The following GPR107 variants were observed in gnomAD, a reference collection of about 807,000 sequenced individuals.
GPR107 encodes the protein G protein-coupled receptor 107.
In GPR107, 31 loss-of-function variants were observed where a neutral mutation model predicts 75.5. That is an observed-to-expected ratio of 0.41 (90% confidence interval 0.31 to 0.55). The LOEUF (loss-of-function observed/expected upper bound fraction) is 0.55. GPR107 is among the 20% of genes least tolerant of loss of function. The probability of loss-of-function intolerance (pLI) is 0.26; values close to 1 mark genes in which losing one functional copy is unlikely to be tolerated. For synonymous variants in GPR107, 267 were observed against 251.3 expected (o/e 1.06, Z -0.59); for missense variants, 572 against 665.7 (o/e 0.86, Z 1.55).
chr9:130,070,341 T>C (rs972783319), intron 1 of GPR107, among the ~76,000 whole-genome samples: 2 of 152,142 alleles, frequency 1.3e-5, no homozygotes, highest in African/African-American at 4.8e-5. Flanking sequence ...TCTCGCTCTT[T>C]CGCCCAAGCT....
intron 1 of GPR107, among the ~76,000 whole-genome samples, chr9:130,074,767 A>G (rs1437755240): frequency 6.6e-6 from 1 of 152,066 alleles, no homozygotes; most frequent in East Asian, 1.9e-4. Flanking sequence ...ACCTTTTTAA[A>G]TAATTGACTT....
intron 1 of GPR107, among the ~76,000 whole-genome samples, chr9:130,073,341 A>G (rs947690578): frequency 2.0e-5 from 3 of 152,162 alleles, no homozygotes; most frequent in Non-Finnish European, 4.4e-5. Context: ...GTCATCATAT[A>G]CTGTCCTTGA....
intron 1 of GPR107, among the ~76,000 whole-genome samples, chr9:130,074,669 G>T (rs764726125): frequency 5.3e-5 from 8 of 152,018 alleles, no homozygotes; most frequent in Non-Finnish European, 8.8e-5. Context: ...TCTCCATGTC[G>T]CTAATTCCTA....
At chr9:130,130,904 C>T (rs936853974) in intron 17 of GPR107, among the ~76,000 whole-genome samples, 81 of 150,218 alleles carry the variant, frequency 5.4e-4, no homozygotes, top group Non-Finnish European at 9.5e-4. Flanking sequence ...CGCATGAATC[C>T]GTGGACCACT....
At chr9:130,107,638 C>A in intron 14 of GPR107, 99 bp downstream of exon 14, 4 of 841,158 alleles carry the variant, frequency 4.8e-6, no homozygotes, top group Non-Finnish European at 8.4e-6. Flanking sequence ...TGTCAAGATG[C>A]TGTCTTCCTG....
chr9:130,071,420 A>G (rs1830209122), intron 1 of GPR107, among the ~76,000 whole-genome samples: 1 of 152,052 alleles, frequency 6.6e-6, no homozygotes, highest in African/African-American at 2.4e-5. Context: ...GGAAATGATA[A>G]TGTGAAAATG....
At chr9:130,110,317 C>A in intron 14 of GPR107, 1 of 1,077,344 alleles carries the variant, frequency 9.3e-7, no homozygotes, top group Non-Finnish European at 1.4e-6. Flanking sequence ...TTAACAGGAA[C>A]GCTTTTGTCA....
Position 130,076,447 on chromosome 9 carries a change from C to CT in GPR107, c.295dup (p.Ser99PhefsTer6). ...GCCTAGACCGTACAAAGAATGATGG[C>CT]TTTTCTTCTTACCTGGTGAGTATTA... On this transcript the variant is annotated frameshift_variant, in exon 3 of 18. Transcript: ENST00000347136. LOFTEE classifies it high-confidence loss of function. 1.3e-6 allele frequency: 2 copies of CT among 1,582,052 alleles called. No individual in the cohort carries two copies. The highest frequency in any genetic ancestry group is 1.7e-6 in the Non-Finnish European group (2 of 1,150,864).
intron 14 of GPR107, among the ~76,000 whole-genome samples, chr9:130,115,147 A>C (rs1305472905): frequency 2.6e-5 from 4 of 152,344 alleles, no homozygotes; most frequent in South Asian, 4.1e-4. Context: ...CCTTTGGGGA[A>C]TAATAGACCT....
At chr9:130,055,993 A>G (rs576632072) in intron 1 of GPR107, among the ~76,000 whole-genome samples, 48 of 150,858 alleles carry the variant, frequency 3.2e-4, no homozygotes, top group Non-Finnish European at 6.6e-4. Context: ...GACTGGATCC[A>G]TACAACCTTA....
chr9:130,112,950 A>G lies in GPR107; in HGVS notation c.1306+5411A>G, dbSNP rs1446764804. Among the ~76,000 whole-genome samples the G allele has an allele frequency of 1.3e-5, 2 of 152,014 alleles. No homozygotes were observed. The highest frequency in any genetic ancestry group is 4.8e-5 in the African/African-American group (2 of 41,436). On this transcript the variant is annotated intron_variant, in intron 14 of 17. Coordinates refer to ENST00000347136, the MANE Select transcript of GPR107 (RefSeq NM_020960.5). The surrounding 1 kb of genome is among the most constrained non-coding windows in gnomAD (Gnocchi z 4.0). ...TTTTTTGTAGAGATAGGATTTTGTC[A>G]TATTGCCCAGGCTAGTCTCAAACTC... is the stretch of plus-strand genomic sequence containing the variant.
At position 130,075,746 on chromosome 9, in the gene GPR107, G is replaced by C. The variant is rs368673169; in HGVS notation, c.252G>C (p.Val84=). 5 of 1,420,612 alleles carry C rather than the reference G, an allele frequency of 3.5e-6. No individual in the cohort carries two copies. The highest frequency in any genetic ancestry group is 5.0e-6 in the Non-Finnish European group (5 of 1,004,136). 88.0% of individuals were successfully genotyped at this position (1,420,612 alleles called of 1,614,324 possible). A position where few individuals can be genotyped will look rare whatever the true frequency, so the allele number is the denominator to read the frequency against. The change falls in exon 2 of 18, where the codon GTG becomes GTC. Residue 84 remains valine, a synonymous_variant. Transcript: ENST00000347136. ...TGAATGAGCCTGAAGACAAGGATGT[G>C]ACTGTAAGTACCTTTTAATGAGATC... ...LSLNEPEDKD[V]TIGFSLDRTK...
chr9:130,129,931 G>A (rs1205990461), intron 17 of GPR107: 3 of 152,228 alleles, frequency 2.0e-5, no homozygotes, highest in Non-Finnish European at 2.9e-5. Flanking sequence ...GGAGGTTCCC[G>A]CTTCCCACAT....
chr9:130,117,027 A>C (rs1474126028), intron 14 of GPR107, among the ~76,000 whole-genome samples: 1 of 150,746 alleles, frequency 6.6e-6, no homozygotes, highest in Non-Finnish European at 1.5e-5. Flanking sequence ...GCTCACTGCA[A>C]CCTCTGCCTC....
At chr9:130,133,578 C>T (rs1176757655) in intron 17 of GPR107, among the ~76,000 whole-genome samples, 1 of 152,228 alleles carries the variant, frequency 6.6e-6, no homozygotes, top group Non-Finnish European at 1.5e-5. Context: ...CCTTCAGGAG[C>T]AGCCCTGTGC....
intron 4 of GPR107, among the ~76,000 whole-genome samples, chr9:130,078,272 G>A (rs1375141852): frequency 6.6e-6 from 1 of 152,076 alleles, no homozygotes. Flanking sequence ...AGCCTTTAAG[G>A]TAGGAATCAT....
intron 14 of GPR107, among the ~76,000 whole-genome samples, chr9:130,118,963 CT>C (rs1831488833): frequency 6.6e-6 from 1 of 152,220 alleles, no homozygotes; most frequent in Admixed American, 6.5e-5. Flanking sequence ...CACACTCATT[CT>C]TTCACCGTAT....
rs143872682 is a variant in GPR107 at position 130,127,494 on chromosome 9, C to T, written c.1368C>T (p.Tyr456=). The change falls in exon 16 of 18, where the codon TAC becomes TAT. Residue 456 remains tyrosine (Y), a synonymous_variant. Coordinates refer to ENST00000347136, the MANE Select transcript of GPR107 (RefSeq NM_020960.5). The part of the protein sequence containing the change: ...FRHYYVLIVC[Y]IYFTRIIAFL... ...TCCTCCTCATGCAGATTGTGTGTTACATATACTTCACTAGGATCATTGCAT... is the reference window on the plus strand; with the variant it reads ...TCCTCCTCATGCAGATTGTGTGTTATATATACTTCACTAGGATCATTGCAT... 2.6e-5 allele frequency: 41 copies of T among 1,574,178 alleles called. No individual in the cohort carries two copies. In the African/African-American group the frequency reaches 5.1e-4, roughly 20 times the overall value.
chr9:130,080,500 T>TTTAC (rs1830467388), intron 5 of GPR107, among the ~76,000 whole-genome samples: 1 of 151,592 alleles, frequency 6.6e-6, no homozygotes, highest in Admixed American at 6.6e-5. Context: ...TATTTATTTA[T>TTTAC]TTATTTTTTG....
Sources: gnomAD v4.1 joint callset for allele counts (sites outside exome capture counted in the v4.1 genomes callset) on GRCh38, gnomAD v4.1.1 for gene constraint, Gnocchi (gnomAD v3.1) non-coding constraint, MANE v1.5 for transcripts, NCBI Gene and HGNC (gene_info 2026-07-23, HGNC 2026-07-21) for gene names.